Variants in PLCB4 observed in about 807,000 individuals in gnomAD.
PLCB4 encodes 1-phosphatidylinositol 4,5-bisphosphate phosphodiesterase beta-4.
Under a neutral mutation model 178.8 loss-of-function variants are expected in PLCB4, and 77 were observed. The observed-to-expected ratio is 0.43, with a 90% CI of 0.36 to 0.52. The LOEUF (loss-of-function observed/expected upper bound fraction) is 0.52, where lower values mean the gene tolerates loss of function less well. Ranked by LOEUF, PLCB4 falls within the 20% of genes least tolerant of loss-of-function variation. The pLI, the probability that PLCB4 is intolerant of heterozygous loss-of-function variation, is 0.00. For missense variants in PLCB4, 1,024 were observed against 1,453.4 expected, an observed-to-expected ratio of 0.70 and a Z score of 4.80; for synonymous variants, 496 against 490.8, an observed-to-expected ratio of 1.01 and a Z score of -0.14.
At chr20:9,204,767 A>G (rs1057311592) in intron 2 of PLCB4, among the ~76,000 whole-genome samples, 7 of 152,140 alleles carry the variant, frequency 4.6e-5, no homozygotes, top group African/African-American at 1.7e-4. Context: ...GGGAATGTAT[A>G]TTAGGCTTAA....
intron 2 of PLCB4, among the ~76,000 whole-genome samples, chr20:9,154,480 T>C (rs527432075): frequency 1.1e-4 from 16 of 152,294 alleles, no homozygotes; most frequent in Middle Eastern, 3.4e-3. Flanking sequence ...AGGTGAATTT[T>C]GTTGGTGTGT....
chr20:9,248,293 A>T (rs537701927), intron 3 of PLCB4, among the ~76,000 whole-genome samples: 4 of 152,164 alleles, frequency 2.6e-5, no homozygotes, highest in Admixed American at 2.6e-4. Flanking sequence ...GCATTTTTTT[A>T]TGTGGTTGAT....
At chr20:9,431,323 G>T (rs770301663) in intron 28 of PLCB4, among the ~76,000 whole-genome samples, 1 of 151,978 alleles carries the variant, frequency 6.6e-6, no homozygotes, top group Non-Finnish European at 1.5e-5. Flanking sequence ...CCCTGATCTA[G>T]TAGGATCTCA....
At chr20:9,362,537 G>C (rs2035433509) in intron 7 of PLCB4, among the ~76,000 whole-genome samples, 1 of 152,168 alleles carries the variant, frequency 6.6e-6, no homozygotes, top group Non-Finnish European at 1.5e-5. Context: ...AATATGTCAT[G>C]TATTTTATAA....
intron 35 of PLCB4, among the ~76,000 whole-genome samples, chr20:9,468,154 G>C (rs1424888515): frequency 6.6e-6 from 1 of 151,976 alleles, no homozygotes; most frequent in Non-Finnish European, 1.5e-5. Context: ...CAAAAATACT[G>C]TCTCCTCATC....
rs551091734 is a variant in PLCB4, at chr20:9,098,933, A to G, written c.-79+2591A>G. Among the ~76,000 whole-genome samples, 207 of 151,126 alleles carry G rather than the reference A, an allele frequency of 1.4e-3. 2 individuals are homozygous for G. Among genetic ancestry groups the G allele is most frequent in the African/African-American group, 4.8e-3 (196 of 41,262 alleles). Reference sequence around the variant, plus strand: ...TCTGGCGACGTATATATATATATGTATGTATATATACGTATATATATATGA... The same window carrying G: ...TCTGGCGACGTATATATATATATGTGTGTATATATACGTATATATATATGA... On this transcript the variant is annotated intron_variant, in intron 2 of 39. Coordinates refer to ENST00000378473, the MANE Select transcript of PLCB4 (RefSeq NM_001377142.1).
chr20:9,389,763 G>T lies in PLCB4; in HGVS notation c.1159-116G>T, dbSNP rs1224684595. The T allele has an allele frequency of 9.7e-6, 6 of 617,940 alleles. No homozygotes were observed. The East Asian group carries it at 1.3e-4, about 14-fold the overall frequency. 38.3% of individuals were successfully genotyped at this position (617,940 alleles called of 1,614,324 possible). ...GTGTCAAGGTAGATGGGGGCTCCAG[G>T]TCTGAATTGCTGGAATTGACTTTCT... On this transcript the variant is annotated intron_variant, in intron 15 of 39. Transcript: ENST00000378473.
At chr20:9,206,299 C>CTTTTTTTTTTTTTTTTTTTTTT (rs71184138) in intron 2 of PLCB4, among the ~76,000 whole-genome samples, 1 of 96,126 alleles carries the variant, frequency 1.0e-5, no homozygotes, top group Non-Finnish European at 2.1e-5. Context: ...TTTCTTTTTT[C>CTTTTTTTTTTTTTTTTTTTTTT]TTTTTTTTTT....
intron 1 of PLCB4, among the ~76,000 whole-genome samples, chr20:9,073,910 A>G (rs2089697579): frequency 6.6e-6 from 1 of 152,016 alleles, no homozygotes; most frequent in Non-Finnish European, 1.5e-5. Context: ...AAATGAAAAT[A>G]TCCTGCTGAA....
At chr20:9,105,482 A>T (rs2091327540) in intron 2 of PLCB4, among the ~76,000 whole-genome samples, 1 of 152,114 alleles carries the variant, frequency 6.6e-6, no homozygotes, top group African/African-American at 2.4e-5. Flanking sequence ...ATAATTCCAA[A>T]GTGCATCTGG....
At chr20:9,410,970 A>T (rs1208408396) in intron 24 of PLCB4, 67 bp from the exon 25 acceptor site, 1 of 1,139,852 alleles carries the variant, frequency 8.8e-7, no homozygotes, top group South Asian at 1.2e-5. Flanking sequence ...TATTGTTTCA[A>T]ATCACCCCGT....
intron 3 of PLCB4, among the ~76,000 whole-genome samples, chr20:9,268,020 T>G (rs1208686808): frequency 6.6e-6 from 1 of 152,184 alleles, no homozygotes; most frequent in Non-Finnish European, 1.5e-5. Context: ...AAGAAGGCCT[T>G]CACCAGATGC....
At chr20:9,344,411 T>G (rs1443102504) in intron 7 of PLCB4, among the ~76,000 whole-genome samples, 2 of 152,250 alleles carry the variant, frequency 1.3e-5, no homozygotes, top group Non-Finnish European at 2.9e-5. Flanking sequence ...TCATTTATTT[T>G]CTTCCTCTGT....
intron 3 of PLCB4, among the ~76,000 whole-genome samples, chr20:9,274,593 A>C (rs572304081): frequency 1.4e-4 from 21 of 152,224 alleles, no homozygotes; most frequent in South Asian, 6.2e-4. Context: ...ATAATGGCAA[A>C]TTCTATTCTT....
intron 4 of PLCB4, among the ~76,000 whole-genome samples, chr20:9,313,164 A>G (rs2094856152): frequency 6.6e-6 from 1 of 152,246 alleles, no homozygotes; most frequent in South Asian, 2.1e-4. Flanking sequence ...TTTACACTAA[A>G]AGATACTTAC....
chr20:9,387,455 A>G lies in PLCB4; in HGVS notation c.1065-8A>G, dbSNP rs7265290. 0.062 allele frequency: 88,177 copies of G among 1,420,634 alleles called. 3,460 individuals carry two copies. The highest frequency in any genetic ancestry group is 0.16 in the African/African-American group (10,967 of 70,416). 88.0% of individuals were successfully genotyped at this position (1,420,634 alleles called of 1,614,324 possible). A position where few individuals can be genotyped will look rare whatever the true frequency, so the allele number is the denominator to read the frequency against. On this transcript the variant is annotated splice_region_variant and splice_polypyrimidine_tract_variant and intron_variant, in intron 14 of 39. Coordinates refer to ENST00000378473, the MANE Select transcript of PLCB4 (RefSeq NM_001377142.1). ...AGTTTCAATATTGTAACTTCACTATATCCCTAGATGTGTTGAACTTGACTG... is the reference window on the plus strand; with the variant it reads ...AGTTTCAATATTGTAACTTCACTATGTCCCTAGATGTGTTGAACTTGACTG...
chr20:9,208,066 C>G (rs911022993), intron 2 of PLCB4, among the ~76,000 whole-genome samples: 4 of 152,198 alleles, frequency 2.6e-5, no homozygotes, highest in African/African-American at 9.7e-5. Context: ...GAGTGCAATG[C>G]ATGTGTGCTT....
chr20:9,269,063 A>G (rs553094555), intron 3 of PLCB4, among the ~76,000 whole-genome samples: 182 of 152,290 alleles, frequency 1.2e-3, no homozygotes, highest in African/African-American at 4.2e-3. Context: ...GGATCAAAAA[A>G]ATGAGGCTTA....
intron 19 of PLCB4, among the ~76,000 whole-genome samples, chr20:9,397,451 A>G (rs1301031530): frequency 6.6e-6 from 1 of 152,154 alleles, no homozygotes; most frequent in Non-Finnish European, 1.5e-5. Context: ...TAAATCATGA[A>G]TGTTCTTTCT....
Sources: allele counts gnomAD v4.1 joint callset (sites outside exome capture counted in the v4.1 genomes callset), GRCh38; gene constraint gnomAD v4.1.1; transcripts MANE v1.5; gene names NCBI Gene and HGNC (gene_info 2026-07-23, HGNC 2026-07-21).